The following PPM1H variants were observed in gnomAD, a reference collection of about 807,000 sequenced individuals.
The protein encoded by PPM1H is protein phosphatase, Mg2+/Mn2+ dependent 1H.
In PPM1H, 27 loss-of-function variants were observed where a neutral mutation model predicts 54.9. The ratio of observed to expected loss-of-function variants is 0.49; its 90% CI spans 0.36 to 0.68. PPM1H has a LOEUF of 0.68. Ranked by LOEUF, PPM1H falls within the 30% of genes least tolerant of loss-of-function variation. PPM1H has a pLI of 0.00. For missense variants in PPM1H, 596 were observed against 667.8 expected (o/e 0.89, Z 1.19); for synonymous variants, 305 against 270.8 (o/e 1.13, Z -1.24).
chr12:62,754,648 T>C (rs1347535266), intron 4 of PPM1H, among the ~76,000 whole-genome samples: 1 of 152,204 alleles, frequency 6.6e-6, no homozygotes, highest in African/African-American at 2.4e-5. Flanking sequence ...GTGGTCTACC[T>C]GGGTTCCTTA....
Position 62,690,979 on chromosome 12 carries a change from A to C in PPM1H, c.1138-1173T>G, listed in dbSNP as rs147550677. On this transcript the variant is annotated intron_variant, in intron 7 of 9. Coordinates refer to ENST00000228705, the MANE Select transcript of PPM1H (RefSeq NM_020700.2). The stretch of plus-strand genomic sequence containing the variant: ...CAGTGAGACTCAGTCTCAAACCAAC[A>C]AACAAACAAATAAAAAAACCAAAAA... Among the ~76,000 whole-genome samples the C allele has an allele frequency of 6.4e-3, 975 of 152,292 alleles. 6 individuals carry two copies. Among genetic ancestry groups the C allele is most frequent in the Middle Eastern group, 0.01 (3 of 294 alleles).
At chr12:62,688,404 C>T (rs1052304487) in intron 8 of PPM1H, among the ~76,000 whole-genome samples, 1 of 150,072 alleles carries the variant, frequency 6.7e-6, no homozygotes, top group East Asian at 2.0e-4. Flanking sequence ...TACCTTTAAA[C>T]TCTTAGGCTG....
rs1199599206 is a variant in PPM1H at position 62,813,347 on chromosome 12, G to GCATTGAAAAAC, written c.412-11188_412-11187insGTTTTTCAATG. ...ACACGAAGCACATGAATGTGAGGGG[G>GCATTGAAAAAC]AATTGGTCGGCGTGTAAGAGACACG... On this transcript the variant is annotated intron_variant, in intron 2 of 9. Transcript: ENST00000228705. Among the ~76,000 whole-genome samples, 623 of 131,872 alleles carry GCATTGAAAAAC rather than the reference G, an allele frequency of 4.7e-3. 5 individuals carry two copies. Among genetic ancestry groups the GCATTGAAAAAC allele is most frequent in the African/African-American group, 0.019 (594 of 30,646 alleles). The allele number at this position is 131,872 out of a possible 152,430, so 86.5% of individuals were successfully genotyped here. A position where few individuals can be genotyped will look rare whatever the true frequency, so the allele number is the denominator to read the frequency against.
Position 62,698,281 on chromosome 12 carries a change from G to A in PPM1H, c.1074-4282C>T, listed in dbSNP as rs928403018. Among the ~76,000 whole-genome samples the A allele has an allele frequency of 5.3e-5, 8 of 152,070 alleles. No homozygotes were observed. In the East Asian group the frequency reaches 9.6e-4, roughly 18 times the overall value. On this transcript the variant is annotated intron_variant, in intron 6 of 9. Transcript: ENST00000228705. The stretch of plus-strand genomic sequence containing the variant: ...AAAGTCACTGTCCTAGGAGTTTAAC[G>A]GTACTTAATGTCAGCCCATTCCATT...
rs377140412 is a variant in PPM1H at position 62,835,032 on chromosome 12, C to T, written c.246-2753G>A. Among the ~76,000 whole-genome samples, 22 of 152,294 alleles carry T rather than the reference C, an allele frequency of 1.4e-4. No homozygotes were observed. In the South Asian group the frequency reaches 4.6e-3, roughly 32 times the overall value. On this transcript the variant is annotated intron_variant, in intron 1 of 9. Transcript: ENST00000228705. Reference sequence around the variant, plus strand: ...AAGATCCTGGATGCTATTTCCAGAACTTGGCATCACTCTGACCACTGGCAC... The same window carrying T: ...AAGATCCTGGATGCTATTTCCAGAATTTGGCATCACTCTGACCACTGGCAC...
At chr12:62,673,743 T>TTTTTTA (rs1311938907) in intron 8 of PPM1H, among the ~76,000 whole-genome samples, 1 of 120,556 alleles carries the variant, frequency 8.3e-6, no homozygotes. Flanking sequence ...TTTTTTTTTT[T>TTTTTTA]GAGACAGGGT....
intron 2 of PPM1H, among the ~76,000 whole-genome samples, chr12:62,811,745 T>C (rs572092319): frequency 7.1e-4 from 108 of 152,316 alleles, no homozygotes; most frequent in African/African-American, 2.4e-3. Flanking sequence ...TCCGCCACCA[T>C]GTGAAGAAGG....
chr12:62,753,850 T>TA (rs2076455341), intron 4 of PPM1H, among the ~76,000 whole-genome samples: 1 of 152,230 alleles, frequency 6.6e-6, no homozygotes, highest in Non-Finnish European at 1.5e-5. Context: ...TCATTTCCAC[T>TA]AGTTCTGCCT....
chr12:62,734,151 AG>A (rs1218188835), intron 5 of PPM1H, among the ~76,000 whole-genome samples: 1 of 150,266 alleles, frequency 6.7e-6, no homozygotes. Flanking sequence ...TTTTTTTTAA[AG>A]AAAATAAAAA....
At chr12:62,873,355 C>T (rs1390962080) in intron 1 of PPM1H, among the ~76,000 whole-genome samples, 1 of 152,256 alleles carries the variant, frequency 6.6e-6, no homozygotes, top group African/African-American at 2.4e-5. Flanking sequence ...AGTTCCAGAT[C>T]CTTCAGTTCC....
At chr12:62,797,845 G>A (rs975057366) in intron 3 of PPM1H, among the ~76,000 whole-genome samples, 1 of 152,180 alleles carries the variant, frequency 6.6e-6, no homozygotes, top group African/African-American at 2.4e-5. Context: ...AGAAAAACAA[G>A]AGCATCTGTG....
chr12:62,916,761 A>G (rs1157685575), intron 1 of PPM1H, among the ~76,000 whole-genome samples: 1 of 152,168 alleles, frequency 6.6e-6, no homozygotes, highest in Non-Finnish European at 1.5e-5. Context: ...GTAATAAATC[A>G]ATCCTTGAAG....
intron 9 of PPM1H, among the ~76,000 whole-genome samples, chr12:62,657,629 A>G (rs2075852384): frequency 6.6e-6 from 1 of 152,180 alleles, no homozygotes; most frequent in South Asian, 2.1e-4. Flanking sequence ...AGTGGAGGAA[A>G]CCCTTCCTTT....
chr12:62,702,988 A>T (rs1262270672), intron 6 of PPM1H, among the ~76,000 whole-genome samples: 1 of 152,192 alleles, frequency 6.6e-6, no homozygotes, highest in Non-Finnish European at 1.5e-5. Context: ...TCAACTGGAC[A>T]CTTCATAGGA....
intron 3 of PPM1H, among the ~76,000 whole-genome samples, chr12:62,796,388 A>G (rs1318956595): frequency 6.6e-6 from 1 of 152,128 alleles, no homozygotes; most frequent in African/African-American, 2.4e-5. Flanking sequence ...AGGTTGGTTT[A>G]CCTGTGCTTC....
At chr12:62,877,645 G>A (rs1399226315) in intron 1 of PPM1H, among the ~76,000 whole-genome samples, 1 of 152,036 alleles carries the variant, frequency 6.6e-6, no homozygotes, top group East Asian at 1.9e-4. Flanking sequence ...TAAGTGGCCC[G>A]GCAGATATCC....
intron 9 of PPM1H, among the ~76,000 whole-genome samples, chr12:62,657,977 T>C (rs770178859): frequency 2.0e-5 from 3 of 150,118 alleles, no homozygotes; most frequent in Non-Finnish European, 4.4e-5. Context: ...TTCTTACAGA[T>C]TTAATACTGC....
intron 8 of PPM1H, among the ~76,000 whole-genome samples, chr12:62,684,005 G>A (rs565743827): frequency 1.6e-4 from 24 of 152,136 alleles, no homozygotes; most frequent in African/African-American, 5.6e-4. Flanking sequence ...AGGAGAGCCT[G>A]GGCTCCAGTG....
intron 4 of PPM1H, among the ~76,000 whole-genome samples, chr12:62,761,387 G>C (rs1291969643): frequency 6.6e-6 from 1 of 152,200 alleles, no homozygotes; most frequent in Non-Finnish European, 1.5e-5. Context: ...AAAAAGGCTG[G>C]AAAGATATAC....
Sources: allele counts gnomAD v4.1 joint callset (sites outside exome capture counted in the v4.1 genomes callset), GRCh38; gene constraint gnomAD v4.1.1; transcripts MANE v1.5; gene names NCBI Gene and HGNC (gene_info 2026-07-23, HGNC 2026-07-21).